The following DNAJC13 variants were observed in gnomAD, a reference collection of about 807,000 sequenced individuals.
DNAJC13 encodes DnaJ heat shock protein family (Hsp40) member C13.
DNAJC13 carries 75 observed loss-of-function variants against 290.5 expected under a neutral mutation model. The ratio of observed to expected loss-of-function variants is 0.26; its 90% CI spans 0.21 to 0.31. DNAJC13 has a LOEUF of 0.31. Ranked by LOEUF, DNAJC13 falls within the 10% of genes least tolerant of loss-of-function variation. DNAJC13 has a pLI of 1.00. For synonymous variants in DNAJC13, 862 were observed against 892.0 expected, an observed-to-expected ratio of 0.97 and a Z score of 0.60; for missense variants, 2,260 against 2,674.5, an observed-to-expected ratio of 0.85 and a Z score of 3.42.
chr3:132,535,444 C>T (rs1050225993), intron 55 of DNAJC13, among the ~76,000 whole-genome samples: 3 of 152,152 alleles, frequency 2.0e-5, no homozygotes, highest in Non-Finnish European at 1.5e-5. Flanking sequence ...TGTGGTTACT[C>T]ATTATCCAGG....
intron 51 of DNAJC13, among the ~76,000 whole-genome samples, chr3:132,524,975 G>A (rs533048755): frequency 6.6e-6 from 1 of 152,196 alleles, no homozygotes; most frequent in Admixed American, 6.5e-5. Flanking sequence ...CTGGATTATT[G>A]TTCTGACACT....
At chr3:132,430,781 A>G (rs1310747123) in intron 1 of DNAJC13, among the ~76,000 whole-genome samples, 1 of 152,170 alleles carries the variant, frequency 6.6e-6, no homozygotes, top group Admixed American at 6.5e-5. Flanking sequence ...CTTTTCAGCA[A>G]TATCATTTAC....
chr3:132,453,673 A>G lies in DNAJC13; in HGVS notation c.819A>G (p.Ala273=), dbSNP rs1281808454. Residue 273 remains alanine (A), a synonymous_variant, in exon 8 of 56, where the codon GCA becomes GCG. Transcript: ENST00000260818. ...VERDPATYNI[A]TLKPLGEVFA... The stretch of plus-strand genomic sequence containing the variant: ...GTGATCCGGCAACCTATAATATTGC[A>G]ACATTGAAGCCTTTAGGAGAAGTAA... The G allele has an allele frequency of 6.2e-7, 1 of 1,613,056 alleles. No homozygotes were observed. The highest frequency in any genetic ancestry group is 8.5e-7 in the Non-Finnish European group (1 of 1,179,714).
chr3:132,503,136 G>A, intron 40 of DNAJC13, 78 bp from the exon 41 acceptor site: 1 of 1,457,960 alleles, frequency 6.9e-7, no homozygotes, highest in Non-Finnish European at 9.4e-7. Context: ...GTTCCATATA[G>A]TGTGATTCTG....
At chr3:132,508,093 A>G (rs1935651371) in intron 43 of DNAJC13, among the ~76,000 whole-genome samples, 1 of 152,244 alleles carries the variant, frequency 6.6e-6, no homozygotes, top group Admixed American at 6.5e-5. Context: ...TGGATAGAAG[A>G]TCAGACCAGC....
At position 132,483,532 on chromosome 3, in the gene DNAJC13, T is replaced by G. The variant is rs1934751445; in HGVS notation, c.3137T>G (p.Leu1046Arg). ...AVLNETDLAT[L>R]ILNMLITMCG... Reference sequence around the variant, plus strand: ...CTGAATGAAACTGACCTTGCTACCCTTATATTGAACATGTTGATCACAATG... The same window carrying G: ...CTGAATGAAACTGACCTTGCTACCCGTATATTGAACATGTTGATCACAATG... The change falls in exon 28 of 56, where the codon CTT becomes CGT. Residue 1046 changes from leucine to arginine, a missense_variant. Physicochemically the swap from Leu to Arg is moderately radical, Grantham distance 102 (BLOSUM62 -2). This residue lies in a region of DNAJC13 where 1,494 missense variants were observed against 1,693.7 expected (regional missense o/e 0.88). Transcript: ENST00000260818. 4 of 1,614,120 alleles carry G rather than the reference T, an allele frequency of 2.5e-6. No individual in the cohort carries two copies. The East Asian group carries it at 8.9e-5, about 36-fold the overall frequency.
intron 6 of DNAJC13, among the ~76,000 whole-genome samples, chr3:132,453,085 G>C (rs531062067): frequency 6.6e-6 from 1 of 152,250 alleles, no homozygotes; most frequent in South Asian, 2.1e-4. Context: ...GATAATTGCC[G>C]TTCAGTGAGT....
intron 2 of DNAJC13, among the ~76,000 whole-genome samples, chr3:132,438,507 G>A (rs188026266): frequency 6.6e-6 from 1 of 152,224 alleles, no homozygotes; most frequent in Non-Finnish European, 1.5e-5. Flanking sequence ...TGTGATTTTT[G>A]GGATTTAGGG....
chr3:132,465,546 T>G (rs1933950884), intron 17 of DNAJC13, among the ~76,000 whole-genome samples: 2 of 152,158 alleles, frequency 1.3e-5, no homozygotes, highest in Admixed American at 6.5e-5. Context: ...GTGAAAATAA[T>G]TTTCTCTCTG....
chr3:132,470,581 C>T (rs1934172250), intron 20 of DNAJC13, among the ~76,000 whole-genome samples: 2 of 140,824 alleles, frequency 1.4e-5, no homozygotes, highest in Non-Finnish European at 3.1e-5. Context: ...AGGCGCCCCT[C>T]ACCTCCCGGA....
chr3:132,443,186 A>G (rs1933126395), intron 2 of DNAJC13, among the ~76,000 whole-genome samples: 2 of 152,028 alleles, frequency 1.3e-5, no homozygotes, highest in South Asian at 2.1e-4. Flanking sequence ...TTTGAGACGG[A>G]GTCTCATCTA....
intron 41 of DNAJC13, among the ~76,000 whole-genome samples, chr3:132,504,888 T>G (rs1474300677): frequency 3.9e-5 from 6 of 152,220 alleles, no homozygotes. Flanking sequence ...GTATGCTTCT[T>G]AAAGACTTAG....
intron 45 of DNAJC13, among the ~76,000 whole-genome samples, 156 bp from the exon 46 acceptor site, chr3:132,514,415 T>A (rs1170403924): frequency 6.6e-6 from 1 of 152,128 alleles, no homozygotes; most frequent in Non-Finnish European, 1.5e-5. Flanking sequence ...TCCAAAGAGA[T>A]TAATAAAGGC....
chr3:132,445,460 T>C (rs920209553), intron 2 of DNAJC13, among the ~76,000 whole-genome samples: 2 of 152,070 alleles, frequency 1.3e-5, no homozygotes, highest in African/African-American at 4.8e-5. Context: ...CAGATTTTAG[T>C]AGTATTAAAA....
intron 17 of DNAJC13, 105 bp from the exon 18 acceptor site, chr3:132,465,890 T>C: frequency 1.5e-6 from 1 of 670,414 alleles, no homozygotes; most frequent in Non-Finnish European, 2.5e-6. Flanking sequence ...ATTTTTTTAC[T>C]GTAGCCGTAT....
intron 29 of DNAJC13, among the ~76,000 whole-genome samples, chr3:132,487,614 T>C (rs891836903): frequency 2.7e-5 from 4 of 148,856 alleles, no homozygotes; most frequent in Admixed American, 6.7e-5. Context: ...GAGGATTCAT[T>C]GGAAGCAAGT....
chr3:132,427,113 G>A (rs1184052287), intron 1 of DNAJC13, among the ~76,000 whole-genome samples: 1 of 128,612 alleles, frequency 7.8e-6, no homozygotes, highest in African/African-American at 3.4e-5. Flanking sequence ...GCACGTGTGT[G>A]TGTGTGTATA....
chr3:132,518,763 TCA>T (rs1448834705), intron 48 of DNAJC13, among the ~76,000 whole-genome samples: 1 of 152,194 alleles, frequency 6.6e-6, no homozygotes, highest in Non-Finnish European at 1.5e-5. Context: ...TTTAGTATAT[TCA>T]CAGATTGAGC....
At chr3:132,449,670 C>T (rs1933361408) in intron 5 of DNAJC13, among the ~76,000 whole-genome samples, 2 of 152,102 alleles carry the variant, frequency 1.3e-5, no homozygotes, top group South Asian at 4.1e-4. Context: ...TTACTTAGTG[C>T]TTCACTCTCT....
Sources: allele counts gnomAD v4.1 joint callset (sites outside exome capture counted in the v4.1 genomes callset), GRCh38; gene constraint gnomAD v4.1.1; regional missense constraint gnomAD v4.1.1; transcripts MANE v1.5; gene names NCBI Gene and HGNC (gene_info 2026-07-23, HGNC 2026-07-21).